MGAT4A: variants seen among roughly 807,000 people sequenced by gnomAD.
MGAT4A encodes the protein alpha-1,3-mannosyl-glycoprotein 4-beta-N-acetylglucosaminyltransferase A.
A neutral mutation model predicts 74.1 loss-of-function variants in MGAT4A; 33 were observed. The observed-to-expected ratio is 0.45, with a 90% confidence interval of 0.34 to 0.60. MGAT4A has a LOEUF of 0.60. MGAT4A is among the 20% of genes least tolerant of loss of function. The probability of loss-of-function intolerance (pLI) is 0.02; values close to 1 mark genes in which losing one functional copy is unlikely to be tolerated. For synonymous variants in MGAT4A, 198 were observed against 210.4 expected (o/e 0.94, Z 0.51); for missense variants, 479 against 628.3 (o/e 0.76, Z 2.54).
Position 98,717,302 on chromosome 2 carries a change from G to A in MGAT4A, c.94+8937C>T, listed in dbSNP as rs564258978. The stretch of plus-strand genomic sequence containing the variant: ...GCCGAGATAGGAGAATCGCTTGAAC[G>A]TGGGAGGTGGAGGTTACAGTGAACC... On this transcript the variant is annotated intron_variant, in intron 2 of 15. Coordinates refer to ENST00000393487, the MANE Select transcript of MGAT4A (RefSeq NM_012214.3). Among the ~76,000 whole-genome samples the A allele has an allele frequency of 4.6e-5, 7 of 151,792 alleles. No homozygotes were observed. The East Asian group carries it at 5.8e-4, about 13-fold the overall frequency.
chr2:98,671,629 T>C (rs993315433), intron 4 of MGAT4A, among the ~76,000 whole-genome samples: 26 of 152,298 alleles, frequency 1.7e-4, no homozygotes, highest in African/African-American at 6.3e-4. Flanking sequence ...ATATTCTTTT[T>C]TTCCCCATTG....
Position 98,644,021 on chromosome 2 carries a change from T to C in MGAT4A, c.922A>G (p.Ile308Val). ...KMFQAPDLTLIVEFIFMFYKE... is the reference protein window; with the variant it reads ...KMFQAPDLTLVVEFIFMFYKE... ...TAAAACATGAATATGAATTCTACAA[T>C]CAGAGTAAGATCCGGCGCTTGAAAC... The change falls in exon 10 of 16, where the codon ATT becomes GTT. Residue 308 changes from isoleucine to valine, a missense_variant. Ile to Val is a conservative substitution (Grantham distance 29). This residue lies in a region of MGAT4A where 236 missense variants were observed against 308.2 expected (regional missense o/e 0.77). Transcript: ENST00000393487. The C allele has an allele frequency of 6.2e-7, 1 of 1,604,158 alleles. No homozygotes were observed. Among genetic ancestry groups the C allele is most frequent in the Non-Finnish European group, 8.5e-7 (1 of 1,172,966 alleles).
chr2:98,626,517 A>G (rs1391087403), intron 14 of MGAT4A, among the ~76,000 whole-genome samples: 2 of 152,216 alleles, frequency 1.3e-5, no homozygotes, highest in African/African-American at 2.4e-5. Context: ...AAAATGGTTC[A>G]TTGTGGGCCA....
chr2:98,668,168 A>C (rs1281749979), intron 4 of MGAT4A, among the ~76,000 whole-genome samples: 1 of 152,200 alleles, frequency 6.6e-6, no homozygotes, highest in Non-Finnish European at 1.5e-5. Context: ...GGTTAAGCTC[A>C]ATGGGGAAAA....
intron 2 of MGAT4A, among the ~76,000 whole-genome samples, chr2:98,700,200 G>C (rs1280757076): frequency 6.6e-6 from 1 of 151,938 alleles, no homozygotes; most frequent in Non-Finnish European, 1.5e-5. Context: ...CTCTCCAAAG[G>C]ACCACTCCCA....
intron 14 of MGAT4A, among the ~76,000 whole-genome samples, chr2:98,629,967 A>G (rs1701204407): frequency 6.6e-6 from 1 of 152,076 alleles, no homozygotes; most frequent in Non-Finnish European, 1.5e-5. Flanking sequence ...AAATGCTTGA[A>G]CCCAGGAGGC....
chr2:98,703,996 A>G (rs2104317257), intron 2 of MGAT4A, among the ~76,000 whole-genome samples: 1 of 152,294 alleles, frequency 6.6e-6, no homozygotes, highest in African/African-American at 2.4e-5. Flanking sequence ...CCCTCTCTGA[A>G]ATAACTCAGT....
At chr2:98,675,551 CTT>C (rs143576109) in intron 3 of MGAT4A, among the ~76,000 whole-genome samples, 7 of 144,082 alleles carry the variant, frequency 4.9e-5, no homozygotes, top group African/African-American at 5.1e-5. Context: ...CTTCCATTTT[CTT>C]TTTTTTTTTT....
In MGAT4A at chr2:98,625,098, T is replaced by C. The variant is rs747521289; in HGVS notation, c.*468A>G. The C allele has an allele frequency of 2.0e-5, 19 of 942,234 alleles. No individual in the cohort carries two copies. The highest frequency in any genetic ancestry group is 2.4e-5 in the Non-Finnish European group (19 of 790,620). 58.4% of individuals were successfully genotyped at this position (942,234 alleles called of 1,614,324 possible). On this transcript the variant is annotated 3_prime_UTR_variant, in exon 16 of 16. Coordinates refer to ENST00000393487, the MANE Select transcript of MGAT4A (RefSeq NM_012214.3). ...AATCTACTGCACAAAAATATGTACT[T>C]CTTAAGTGTTTCTAATAAATTAATT...
At chr2:98,668,806 G>T (rs1441811985) in intron 4 of MGAT4A, among the ~76,000 whole-genome samples, 5 of 152,240 alleles carry the variant, frequency 3.3e-5, no homozygotes, top group Non-Finnish European at 5.9e-5. Context: ...TCTTGCATCA[G>T]TGTGACCTGG....
rs1357606676 is a variant in MGAT4A, at chr2:98,643,773, A to C, written c.1020+150T>G. ...ACAGGATCTTCCACTGCTATCTAAA[A>C]GTTCTTCTAATATAGAAACTTTTTA... On this transcript the variant is annotated intron_variant, in intron 10 of 15. Coordinates refer to ENST00000393487, the MANE Select transcript of MGAT4A (RefSeq NM_012214.3). 4.6e-6 allele frequency: 3 copies of C among 656,240 alleles called. No homozygotes were observed. The African/African-American group carries it at 5.6e-5, about 12-fold the overall frequency. The allele number at this position is 656,240 out of a possible 1,614,324, so 40.7% of individuals were successfully genotyped here. A position where few individuals can be genotyped will look rare whatever the true frequency, so the allele number is the denominator to read the frequency against.
At chr2:98,643,732 A>G (rs1701447078) in intron 10 of MGAT4A, among the ~76,000 whole-genome samples, 191 bp downstream of exon 10, 1 of 152,264 alleles carries the variant, frequency 6.6e-6, no homozygotes, top group Admixed American at 6.5e-5. Flanking sequence ...GTCATCTTGT[A>G]ACAGCTTCCT....
At chr2:98,697,331 T>C (rs985556789) in intron 2 of MGAT4A, among the ~76,000 whole-genome samples, 1 of 152,184 alleles carries the variant, frequency 6.6e-6, no homozygotes, top group African/African-American at 2.4e-5. Context: ...TATAATAACA[T>C]TTCCAAAATG....
rs756077416 is a variant in MGAT4A at position 98,621,491 on chromosome 2, C to T, written c.*4075G>A. 82 of 1,551,554 alleles carry T rather than the reference C, an allele frequency of 5.3e-5. No individual in the cohort carries two copies. Among genetic ancestry groups the T allele is most frequent in the Non-Finnish European group, 6.6e-5 (76 of 1,146,948 alleles). On this transcript the variant is annotated 3_prime_UTR_variant, in exon 16 of 16. Transcript: ENST00000393487. ...TGTCTCTTGACTTCTGCCACCAGCCCGAGAAAACTCTCTGCTTTTAAAGGA... is the reference window on the plus strand; with the variant it reads ...TGTCTCTTGACTTCTGCCACCAGCCTGAGAAAACTCTCTGCTTTTAAAGGA...
At chr2:98,702,034 G>A (rs1702361851) in intron 2 of MGAT4A, among the ~76,000 whole-genome samples, 1 of 152,182 alleles carries the variant, frequency 6.6e-6, no homozygotes, top group East Asian at 1.9e-4. Flanking sequence ...TATAAAGCTG[G>A]TCAAGAGTCA....
At chr2:98,668,935 G>A (rs1397179374) in intron 4 of MGAT4A, among the ~76,000 whole-genome samples, 1 of 152,204 alleles carries the variant, frequency 6.6e-6, no homozygotes, top group Non-Finnish European at 1.5e-5. Flanking sequence ...CTTCCATTTG[G>A]AATGGCTGTA....
At chr2:98,630,127 T>C (rs942756155) in intron 14 of MGAT4A, among the ~76,000 whole-genome samples, 1 of 152,224 alleles carries the variant, frequency 6.6e-6, no homozygotes, top group Non-Finnish European at 1.5e-5. Context: ...TAAGTCTATA[T>C]TGTAGAGAAA....
intron 2 of MGAT4A, among the ~76,000 whole-genome samples, chr2:98,680,621 G>C (rs532176996): frequency 1.3e-5 from 2 of 152,166 alleles, no homozygotes; most frequent in Non-Finnish European, 2.9e-5. Flanking sequence ...AAGGAGAAGA[G>C]GTAGGACAGA....
chr2:98,697,637 C>A (rs1702295728), intron 2 of MGAT4A, among the ~76,000 whole-genome samples: 2 of 152,204 alleles, frequency 1.3e-5, no homozygotes, highest in Admixed American at 1.3e-4. Context: ...TCTGTCTTTG[C>A]AGCTTCCTTT....
Sources: allele counts gnomAD v4.1 joint callset (sites outside exome capture counted in the v4.1 genomes callset), GRCh38; gene constraint gnomAD v4.1.1; regional missense constraint gnomAD v4.1.1; transcripts MANE v1.5; gene names NCBI Gene and HGNC (gene_info 2026-07-23, HGNC 2026-07-21).